The following BBX variants were observed in gnomAD, a reference collection of about 807,000 sequenced individuals.
BBX encodes BBX high mobility group box domain containing.
A neutral mutation model predicts 100.2 loss-of-function variants in BBX; 30 were observed. The observed-to-expected ratio is 0.30, with a 90% confidence interval of 0.22 to 0.41. The LOEUF is 0.41. Ranked by LOEUF, BBX falls within the 10% of genes least tolerant of loss-of-function variation. BBX has a pLI of 1.00. For missense variants in BBX, 1,023 were observed against 1,129.8 expected, an observed-to-expected ratio of 0.91 and a Z score of 1.35; for synonymous variants, 376 against 388.1, an observed-to-expected ratio of 0.97 and a Z score of 0.37.
intron 3 of BBX, among the ~76,000 whole-genome samples, chr3:107,708,746 A>G (rs2061538067): frequency 1.3e-5 from 2 of 152,178 alleles, no homozygotes; most frequent in Non-Finnish European, 2.9e-5. Flanking sequence ...TTTTATTAAA[A>G]TGAGTTATTG....
chr3:107,705,260 A>G (rs914105036), intron 3 of BBX, among the ~76,000 whole-genome samples: 1 of 152,168 alleles, frequency 6.6e-6, no homozygotes, highest in Non-Finnish European at 1.5e-5. Context: ...TAGCAGTGGT[A>G]TTTAATGGGC....
intron 2 of BBX, among the ~76,000 whole-genome samples, chr3:107,620,867 G>C (rs1438840571): frequency 1.3e-5 from 2 of 148,592 alleles, no homozygotes; most frequent in African/African-American, 4.9e-5. Context: ...ACAGGGAGAG[G>C]AGAGAGACAT....
chr3:107,655,470 T>C (rs898237935), intron 3 of BBX, among the ~76,000 whole-genome samples: 7 of 151,186 alleles, frequency 4.6e-5, no homozygotes, highest in African/African-American at 1.7e-4. Flanking sequence ...TGATTCTTAA[T>C]GAGAATTCAC....
At chr3:107,804,188 A>G (rs1164174636) in intron 17 of BBX, among the ~76,000 whole-genome samples, 1 of 152,182 alleles carries the variant, frequency 6.6e-6, no homozygotes, top group African/African-American at 2.4e-5. Flanking sequence ...TTTGATTCTG[A>G]AACCCCCAAA....
At chr3:107,647,741 A>C (rs942457271) in intron 3 of BBX, among the ~76,000 whole-genome samples, 7 of 152,200 alleles carry the variant, frequency 4.6e-5, no homozygotes, top group African/African-American at 1.7e-4. Flanking sequence ...AGAGCCTCCA[A>C]ATCTTAGTGG....
chr3:107,588,242 T>C (rs2053014640), intron 2 of BBX, among the ~76,000 whole-genome samples: 1 of 151,778 alleles, frequency 6.6e-6, no homozygotes, highest in Non-Finnish European at 1.5e-5. Context: ...ATGAGCCAGG[T>C]CTTAGATGAT....
chr3:107,770,643 G>T (rs1156419574), intron 10 of BBX, among the ~76,000 whole-genome samples: 1 of 152,112 alleles, frequency 6.6e-6, no homozygotes, highest in Non-Finnish European at 1.5e-5. Context: ...ATAGCCACTT[G>T]CTGAGGTCTA....
intron 2 of BBX, among the ~76,000 whole-genome samples, chr3:107,613,941 GTTTTTTTTTTTTT>G (rs533672871): frequency 5.8e-5 from 5 of 86,586 alleles, no homozygotes; most frequent in East Asian, 4.0e-4. Context: ...ACATACCATG[GTTTTTTTTTTTTT>G]TTTTTTTTTT....
chr3:107,654,598 A>G (rs1275805877), intron 3 of BBX, among the ~76,000 whole-genome samples: 1 of 152,186 alleles, frequency 6.6e-6, no homozygotes, highest in Non-Finnish European at 1.5e-5. Flanking sequence ...TTGATTCCTG[A>G]TATTAATATG....
In BBX at chr3:107,766,044, G is replaced by A. The variant is rs556737805; in HGVS notation, c.907-6584G>A. 2.6e-5 allele frequency among the ~76,000 whole-genome samples: 4 copies of A among 152,272 alleles called. No individual in the cohort carries two copies. In the South Asian group the frequency reaches 6.2e-4, roughly 24 times the overall value. The stretch of plus-strand genomic sequence containing the variant: ...TCAGAAGAAGATGCTTAAAAGGAGA[G>A]TGCTTTAGAAGGAAAATGCTTTAAA... On this transcript the variant is annotated intron_variant, in intron 10 of 17. Coordinates refer to ENST00000325805, the MANE Select transcript of BBX (RefSeq NM_001142568.3).
chr3:107,705,881 C>G (rs995482379), intron 3 of BBX, among the ~76,000 whole-genome samples: 1 of 152,142 alleles, frequency 6.6e-6, no homozygotes, highest in African/African-American at 2.4e-5. Context: ...GGAAGCCTAT[C>G]AGGCTCCAGT....
At position 107,696,553 on chromosome 3, in the gene BBX, C is replaced by G. The variant is rs1417546463; in HGVS notation, c.-9-13899C>G. Among the ~76,000 whole-genome samples the G allele has an allele frequency of 2.6e-5, 4 of 152,024 alleles. No individual in the cohort carries two copies. The East Asian group carries it at 7.7e-4, about 29-fold the overall frequency. Reference sequence around the variant, plus strand: ...CACTCTCTTCTGGCTTCTAGAGTTTCTGCCAAGAGATCCGCTGTTAGTCTG... The same window carrying G: ...CACTCTCTTCTGGCTTCTAGAGTTTGTGCCAAGAGATCCGCTGTTAGTCTG... On this transcript the variant is annotated intron_variant, in intron 3 of 17. Coordinates refer to ENST00000325805, the MANE Select transcript of BBX (RefSeq NM_001142568.3).
At chr3:107,797,427 T>C (rs147914433) in intron 15 of BBX, among the ~76,000 whole-genome samples, 2,945 of 147,346 alleles carry the variant, frequency 0.02, 46 homozygotes, top group South Asian at 0.047. Context: ...TTAGGGCTTG[T>C]TATGTCTGAC....
At chr3:107,604,259 A>G (rs1387591029) in intron 2 of BBX, among the ~76,000 whole-genome samples, 1 of 152,088 alleles carries the variant, frequency 6.6e-6, no homozygotes, top group Admixed American at 6.5e-5. Context: ...CGTTTTGGGT[A>G]CTGTTTGTAT....
chr3:107,606,933 C>T lies in BBX; in HGVS notation c.-83-38903C>T, dbSNP rs568701953. 7.8e-4 allele frequency among the ~76,000 whole-genome samples: 118 copies of T among 152,206 alleles called. 1 individual carries two copies. The highest frequency in any genetic ancestry group is 2.6e-3 in the African/African-American group (108 of 41,540). The stretch of plus-strand genomic sequence containing the variant: ...TACCCATTAACCATCCCCACTTCCC[C>T]CCACTCTCTGGTAACCATCATTCTA... On this transcript the variant is annotated intron_variant, in intron 2 of 17. Coordinates refer to ENST00000325805, the MANE Select transcript of BBX (RefSeq NM_001142568.3).
intron 9 of BBX, among the ~76,000 whole-genome samples, chr3:107,755,053 G>C (rs764317144): frequency 5.3e-5 from 8 of 152,142 alleles, no homozygotes; most frequent in Non-Finnish European, 8.8e-5. Context: ...TTGATTATCA[G>C]TCTTTGCATG....
intron 2 of BBX, among the ~76,000 whole-genome samples, chr3:107,598,274 G>T (rs572057913): frequency 2.0e-5 from 3 of 152,274 alleles, no homozygotes; most frequent in East Asian, 3.9e-4. Flanking sequence ...TAATGTCTTA[G>T]GTCTTTGGTC....
At chr3:107,797,793 T>C (rs1227301395) in intron 15 of BBX, among the ~76,000 whole-genome samples, 1 of 152,154 alleles carries the variant, frequency 6.6e-6, no homozygotes, top group Non-Finnish European at 1.5e-5. Flanking sequence ...TGACTCAGAA[T>C]ATAGGAGTGT....
At chr3:107,787,017 G>A (rs374427692) in intron 13 of BBX, among the ~76,000 whole-genome samples, 14 of 152,192 alleles carry the variant, frequency 9.2e-5, no homozygotes, top group African/African-American at 2.4e-4. Context: ...TAACAAATAC[G>A]TGGCCGATAA....
Sources: gnomAD v4.1 joint callset for allele counts (sites outside exome capture counted in the v4.1 genomes callset) on GRCh38, gnomAD v4.1.1 for gene constraint, MANE v1.5 for transcripts, NCBI Gene and HGNC (gene_info 2026-07-23, HGNC 2026-07-21) for gene names.